The following ZNF385D variants were observed in gnomAD, a reference collection of about 807,000 sequenced individuals.
The protein encoded by ZNF385D is zinc finger protein 385D.
Under a neutral mutation model 35.8 loss-of-function variants are expected in ZNF385D, and 15 were observed. That is an observed-to-expected ratio of 0.42 (90% CI 0.28 to 0.64). ZNF385D has a LOEUF of 0.64. Among genes scored for constraint, ZNF385D ranks in the 30% least tolerant of loss-of-function variants. The probability of loss-of-function intolerance (pLI) is 0.23; values close to 1 mark genes in which losing one functional copy is unlikely to be tolerated. For synonymous variants in ZNF385D, 212 were observed against 186.8 expected (o/e 1.13, Z -1.10); for missense variants, 474 against 494.6 (o/e 0.96, Z 0.39).
intron 3 of ZNF385D, among the ~76,000 whole-genome samples, chr3:21,556,416 GAT>G (rs879677414): frequency 0.68 from 102,859 of 151,768 alleles, 35,653 homozygotes; most frequent in African/African-American, 0.83. Flanking sequence ...GTAAGGAAGG[GAT>G]CCAGTTTCAG....
chr3:22,101,410 G>T (rs1227993470), intron 3 of ZNF385D, among the ~76,000 whole-genome samples: 9 of 152,164 alleles, frequency 5.9e-5, no homozygotes, highest in African/African-American at 1.9e-4. Context: ...CACTGACCAG[G>T]TTCCACGTGC....
intron 3 of ZNF385D, among the ~76,000 whole-genome samples, chr3:21,896,116 G>A (rs181579406): frequency 1.6e-4 from 24 of 152,218 alleles, no homozygotes; most frequent in Non-Finnish European, 3.5e-4. Flanking sequence ...CTGCTCCCAT[G>A]ACAATATGAC....
intron 3 of ZNF385D, among the ~76,000 whole-genome samples, chr3:21,850,285 A>G (rs1306732634): frequency 6.6e-6 from 1 of 152,152 alleles, no homozygotes; most frequent in African/African-American, 2.4e-5. Flanking sequence ...ATTTTCCAAC[A>G]TTGCACAGAA....
Position 22,199,240 on chromosome 3 carries a change from C to T in ZNF385D, c.107-30205G>A, listed in dbSNP as rs78470887. ...TTTTCCATCCCTTTGTTTCACTAAG[C>T]TATAATTGTCTGCCCAATGTAGATT... is the stretch of plus-strand genomic sequence containing the variant. On this transcript the variant is annotated intron_variant, in intron 2 of 5. Transcript: ENST00000494108. Among the ~76,000 whole-genome samples, 1,073 of 152,216 alleles carry T rather than the reference C, an allele frequency of 7.0e-3. 7 individuals are homozygous for T. Among genetic ancestry groups the T allele is most frequent in the African/African-American group, 0.024 (995 of 41,548 alleles).
chr3:21,755,123 A>G (rs1248136456), upstream of ZNF385D, among the ~76,000 whole-genome samples: 1 of 152,222 alleles, frequency 6.6e-6, no homozygotes, highest in Non-Finnish European at 1.5e-5. Flanking sequence ...ACTTAGATTC[A>G]GCATGAGTTA....
chr3:21,975,389 C>T (rs1180696516), intron 3 of ZNF385D, among the ~76,000 whole-genome samples: 1 of 151,850 alleles, frequency 6.6e-6, no homozygotes, highest in African/African-American at 2.4e-5. Context: ...AGAGTAAAAT[C>T]GTGGTTACCA....
intron 2 of ZNF385D, among the ~76,000 whole-genome samples, chr3:22,270,366 T>G (rs886578565): frequency 6.6e-6 from 1 of 151,936 alleles, no homozygotes; most frequent in Non-Finnish European, 1.5e-5. Flanking sequence ...CTTTTGACCC[T>G]CATTTTGATA....
Position 21,751,024 on chromosome 3 carries a change from G to T in ZNF385D, c.-108C>A, listed in dbSNP as rs1055915578. On this transcript the variant is annotated 5_prime_UTR_variant, in exon 1 of 8. Transcript: ENST00000281523. ...TGCTACATTCGGTGGAAATGTCCCC[G>T]GCGTGGAGAGCAGTGAGCGCCGAGA... The T allele has an allele frequency of 1.9e-6, 3 of 1,596,854 alleles. No homozygotes were observed. Among genetic ancestry groups the T allele is most frequent in the Admixed American group, 3.4e-5 (2 of 58,048 alleles).
At chr3:22,024,536 G>A (rs1697421865) in intron 3 of ZNF385D, among the ~76,000 whole-genome samples, 1 of 151,966 alleles carries the variant, frequency 6.6e-6, no homozygotes, top group Non-Finnish European at 1.5e-5. Flanking sequence ...TAGTATAATA[G>A]TTATAATATT....
chr3:21,549,237 G>C (rs1197448829), intron 3 of ZNF385D, among the ~76,000 whole-genome samples: 1 of 152,122 alleles, frequency 6.6e-6, no homozygotes, highest in Non-Finnish European at 1.5e-5. Context: ...ATGAAACTCT[G>C]GAGGATCAAA....
chr3:22,136,931 G>C (rs1424232895), intron 3 of ZNF385D, among the ~76,000 whole-genome samples: 5 of 152,156 alleles, frequency 3.3e-5, no homozygotes, highest in East Asian at 3.9e-4. Context: ...AGAAGGAATA[G>C]AGGGATGATT....
intron 2 of ZNF385D, among the ~76,000 whole-genome samples, chr3:21,615,331 A>G (rs2064814158): frequency 1.4e-5 from 2 of 147,798 alleles, no homozygotes; most frequent in Admixed American, 7.0e-5. Flanking sequence ...CCTCATCAGA[A>G]GCAGATGCTG....
chr3:21,537,284 C>T (rs2062059728), intron 3 of ZNF385D, among the ~76,000 whole-genome samples: 1 of 151,586 alleles, frequency 6.6e-6, no homozygotes, highest in Non-Finnish European at 1.5e-5. Flanking sequence ...AGGTGCCTGC[C>T]ACCACACCTG....
At chr3:21,913,972 G>A (rs977467039) in intron 3 of ZNF385D, among the ~76,000 whole-genome samples, 3 of 152,068 alleles carry the variant, frequency 2.0e-5, no homozygotes, top group Non-Finnish European at 4.4e-5. Context: ...CTTTCATGCA[G>A]GGTGCACAGA....
intron 3 of ZNF385D, among the ~76,000 whole-genome samples, chr3:21,896,913 T>G (rs952603754): frequency 6.6e-6 from 1 of 152,040 alleles, no homozygotes; most frequent in African/African-American, 2.4e-5. Context: ...CTAGAAGTCA[T>G]TGTAGGCAGC....
At chr3:21,841,060 A>G (rs1325852497) in intron 3 of ZNF385D, among the ~76,000 whole-genome samples, 1 of 151,992 alleles carries the variant, frequency 6.6e-6, no homozygotes, top group African/African-American at 2.4e-5. Context: ...ATGGTAAGAG[A>G]CTGTTAGCAA....
chr3:22,099,481 T>A (rs1576317906), intron 3 of ZNF385D, among the ~76,000 whole-genome samples: 1 of 152,202 alleles, frequency 6.6e-6, no homozygotes, highest in East Asian at 1.9e-4. Flanking sequence ...AAAGTCTTGC[T>A]ATAAAGACTG....
At chr3:22,071,615 G>A (rs1402858355) in intron 3 of ZNF385D, among the ~76,000 whole-genome samples, 1 of 152,088 alleles carries the variant, frequency 6.6e-6, no homozygotes, top group Admixed American at 6.6e-5. Flanking sequence ...AAAATTATAT[G>A]ATGGGTAAGC....
At chr3:22,091,884 T>A (rs1056092031) in intron 3 of ZNF385D, among the ~76,000 whole-genome samples, 13 of 152,224 alleles carry the variant, frequency 8.5e-5, no homozygotes, top group Non-Finnish European at 1.8e-4. Context: ...TTGGTCTTTA[T>A]TTCATAGAGT....
Sources: gnomAD v4.1 joint callset for allele counts (sites outside exome capture counted in the v4.1 genomes callset) on GRCh38, gnomAD v4.1.1 for gene constraint, MANE v1.5 for transcripts, NCBI Gene and HGNC (gene_info 2026-07-23, HGNC 2026-07-21) for gene names.